Variants in NPRL3 observed in about 807,000 individuals in gnomAD.
NPRL3 encodes the protein GATOR1 complex protein NPRL3.
A neutral mutation model predicts 57.2 loss-of-function variants in NPRL3; 23 were observed. The ratio of observed to expected loss-of-function variants is 0.40; its 90% CI spans 0.29 to 0.57. NPRL3 has a LOEUF of 0.57. Ranked by LOEUF, NPRL3 falls within the 20% of genes least tolerant of loss-of-function variation. The pLI, the probability that NPRL3 is intolerant of heterozygous loss-of-function variation, is 0.42. For synonymous variants in NPRL3, 333 were observed against 321.1 expected (o/e 1.04, Z -0.39); for missense variants, 691 against 767.1 (o/e 0.90, Z 1.17).
chr16:130,023 T>C (rs1450219829), intron 3 of NPRL3, among the ~76,000 whole-genome samples: 1 of 152,090 alleles, frequency 6.6e-6, no homozygotes, highest in African/African-American at 2.4e-5. Context: ...GATCCACCTT[T>C]CATCTGTGCC....
Position 127,937 on chromosome 16 carries a change from G to C in NPRL3, c.188+2585C>G, listed in dbSNP as rs1009933924. ...CCCAAAGGGCTGGGATTACAGGCTT[G>C]AGCCACTGCGCCCGGCCGCAAGTGA... On this transcript the variant is annotated intron_variant, in intron 3 of 13. Transcript: ENST00000611875. Among the ~76,000 whole-genome samples the C allele has an allele frequency of 3.3e-5, 5 of 151,782 alleles. No homozygotes were observed. The East Asian group carries it at 7.8e-4, about 24-fold the overall frequency.
intron 6 of NPRL3, 93 bp downstream of exon 6, chr16:112,529 A>T: frequency 7.9e-7 from 1 of 1,265,762 alleles, no homozygotes; most frequent in South Asian, 2.0e-5. Flanking sequence ...CTGTATCATT[A>T]ACACTGAATG....
At chr16:100,124 C>T (rs1355348583) in intron 8 of NPRL3, among the ~76,000 whole-genome samples, 2 of 152,094 alleles carry the variant, frequency 1.3e-5, no homozygotes, top group African/African-American at 4.8e-5. Context: ...CACATCCAGG[C>T]TGCCCTGCCC....
chr16:122,809 C>G (rs1050377908), intron 3 of NPRL3, among the ~76,000 whole-genome samples: 2 of 152,084 alleles, frequency 1.3e-5, no homozygotes, highest in Non-Finnish European at 2.9e-5. Context: ...TCTGCTCCCC[C>G]CACCCACCTA....
Position 96,669 on chromosome 16 carries a change from AATATT to A in NPRL3, c.924+1471_924+1475del, listed in dbSNP as rs1211779454. On this transcript the variant is annotated intron_variant, in intron 9 of 13. Transcript: ENST00000611875. Reference sequence around the variant, plus strand: ...CTACCAAAAAAAAAAAAAAAAAAAAAATATTAGCCAGGCGCACACCTGTAGTCCCA... The same window carrying A: ...CTACCAAAAAAAAAAAAAAAAAAAAAAGCCAGGCGCACACCTGTAGTCCCA... Among the ~76,000 whole-genome samples the A allele has an allele frequency of 1.4e-3, 216 of 150,930 alleles. 4 individuals are homozygous for A. Among genetic ancestry groups the A allele is most frequent in the Non-Finnish European group, 3.0e-4 (20 of 67,728 alleles).
chr16:106,259 G>C (rs765861834), intron 7 of NPRL3, among the ~76,000 whole-genome samples: 4 of 152,166 alleles, frequency 2.6e-5, no homozygotes, highest in Admixed American at 6.5e-5. Context: ...AGTGAACTGA[G>C]ATTGTGCCAT....
At chr16:130,259 C>T (rs1277622173) in intron 3 of NPRL3, among the ~76,000 whole-genome samples, 3 of 152,202 alleles carry the variant, frequency 2.0e-5, no homozygotes, top group Non-Finnish European at 4.4e-5. Context: ...AAACATCTCA[C>T]GTGGACATGG....
intron 2 of NPRL3, among the ~76,000 whole-genome samples, chr16:134,753 G>A (rs1900985650): frequency 1.4e-5 from 2 of 139,604 alleles, no homozygotes; most frequent in Non-Finnish European, 3.0e-5. Flanking sequence ...CCAGGCTGGA[G>A]TGCAGTGGCG....
At chr16:91,798 A>T (rs1330800856) in intron 11 of NPRL3, among the ~76,000 whole-genome samples, 4 of 152,204 alleles carry the variant, frequency 2.6e-5, no homozygotes, top group African/African-American at 7.2e-5. Flanking sequence ...TCTGGAGACA[A>T]AGACTTGAGA....
Position 85,719 on chromosome 16 carries a change from G to C in NPRL3, c.*986C>G, listed in dbSNP as rs145609972. ...CGGAAACCCCTCCGCTTCTATGTCC[G>C]GGGCAGCCCCTGGGTCAGTGTGGTC... On this transcript the variant is annotated 3_prime_UTR_variant, in exon 14 of 14. Coordinates refer to ENST00000611875, the MANE Select transcript of NPRL3 (RefSeq NM_001077350.3). The C allele has an allele frequency of 2.6e-6, 4 of 1,531,896 alleles. No individual in the cohort carries two copies. Among genetic ancestry groups the C allele is most frequent in the Non-Finnish European group, 3.5e-6 (4 of 1,136,782 alleles). 94.9% of individuals were successfully genotyped at this position (1,531,896 alleles called of 1,614,324 possible).
intron 3 of NPRL3, among the ~76,000 whole-genome samples, chr16:127,876 C>T (rs910621387): frequency 4.6e-5 from 7 of 151,718 alleles, no homozygotes; most frequent in African/African-American, 1.2e-4. Flanking sequence ...GGATGAGTCT[C>T]GATCTCCTGA....
intron 3 of NPRL3, among the ~76,000 whole-genome samples, chr16:124,782 G>A (rs990042935): frequency 6.6e-6 from 1 of 152,080 alleles, no homozygotes; most frequent in Admixed American, 6.5e-5. Context: ...AACAGTTTAG[G>A]AGTTTACTTT....
At chr16:103,837 G>A (rs186371563) in intron 7 of NPRL3, among the ~76,000 whole-genome samples, 40 of 152,270 alleles carry the variant, frequency 2.6e-4, no homozygotes, top group Admixed American at 1.4e-3. Flanking sequence ...ATATTAGGCC[G>A]GGTGCCGTGG....
chr16:85,836 T>C lies in NPRL3; in HGVS notation c.*869A>G. 7.0e-7 allele frequency: 1 copy of C among 1,423,680 alleles called. No homozygotes were observed. Among genetic ancestry groups the C allele is most frequent in the Non-Finnish European group, 9.2e-7 (1 of 1,086,478 alleles). 88.2% of individuals were successfully genotyped at this position (1,423,680 alleles called of 1,614,324 possible). ...GTTTAAAAACCGAATAAATGTTTTA[T>C]TTCTAGAAAACTGTGCCTTAGCCAG... On this transcript the variant is annotated 3_prime_UTR_variant, in exon 14 of 14. Coordinates refer to ENST00000611875, the MANE Select transcript of NPRL3 (RefSeq NM_001077350.3).
chr16:131,560 T>C (rs1172918409), intron 2 of NPRL3, among the ~76,000 whole-genome samples: 1 of 126,536 alleles, frequency 7.9e-6, no homozygotes, highest in East Asian at 2.5e-4. Flanking sequence ...ATTGTGCTAC[T>C]GCACTTGAGC....
At chr16:115,588 C>T (rs779216418) in intron 5 of NPRL3, among the ~76,000 whole-genome samples, 5 of 151,856 alleles carry the variant, frequency 3.3e-5, no homozygotes, top group Admixed American at 1.3e-4. Flanking sequence ...CGGATTCAAC[C>T]GATTCTACTG....
In NPRL3 at chr16:123,506, C is replaced by A. The variant is rs575863523; in HGVS notation, c.189-4251G>T. On this transcript the variant is annotated intron_variant, in intron 3 of 13. Coordinates refer to ENST00000611875, the MANE Select transcript of NPRL3 (RefSeq NM_001077350.3). ...AGACGGTGGAGAGGTCTCGGTCTTA[C>A]CCTGCAACCAATTGCTCATCGGTTG... The A allele has an allele frequency of 3.2e-4, 153 of 471,092 alleles. 3 individuals are homozygous for A. Among genetic ancestry groups the A allele is most frequent in the South Asian group, 2.4e-3 (152 of 64,554 alleles). The allele number at this position is 471,092 out of a possible 1,614,324, so 29.2% of individuals were successfully genotyped here.
chr16:131,822 G>C (rs911771148), intron 2 of NPRL3, among the ~76,000 whole-genome samples: 14 of 151,948 alleles, frequency 9.2e-5, no homozygotes, highest in East Asian at 5.8e-4. Flanking sequence ...TCTGTCGTAC[G>C]GGACGTTGAC....
At chr16:87,961 G>C (rs1183530304) in intron 13 of NPRL3, among the ~76,000 whole-genome samples, 2 of 151,892 alleles carry the variant, frequency 1.3e-5, no homozygotes, top group African/African-American at 4.8e-5. Context: ...AGGAGGCTAG[G>C]ATGCAGGTGA....
Sources: allele counts gnomAD v4.1 joint callset (sites outside exome capture counted in the v4.1 genomes callset), GRCh38; gene constraint gnomAD v4.1.1; transcripts MANE v1.5; gene names NCBI Gene and HGNC (gene_info 2026-07-23, HGNC 2026-07-21).